ZNF469: variants seen among roughly 807,000 people sequenced by gnomAD.
ZNF469 encodes zinc finger protein 469.
In ZNF469, 1 loss-of-function variant was observed where a neutral mutation model predicts 1.0. The observed-to-expected ratio is 1.00, with a 90% CI of 0.35 to 4.73. The LOEUF is 4.73. Among genes scored for constraint, ZNF469 ranks in the 30% most tolerant of loss-of-function variants. The pLI is 0.16. For synonymous variants in ZNF469, 2,703 were observed against 2,363.4 expected (o/e 1.14, Z -4.17); for missense variants, 6,100 against 5,356.3 (o/e 1.14, Z -4.33).
the ZNF469 span, among the ~76,000 whole-genome samples, chr16:88,242,082 C>T: frequency 6.6e-6 from 1 of 152,188 alleles, no homozygotes; most frequent in Admixed American, 6.5e-5. Context: ...GGTCCCCCAA[C>T]CCTGGACGTC....
chr16:88,336,791 C>G, the ZNF469 span, among the ~76,000 whole-genome samples: 491 of 152,352 alleles, frequency 3.2e-3, 2 homozygotes, highest in African/African-American at 0.011. Flanking sequence ...AGTTATGCGA[C>G]CATCACCACT....
At chr16:88,211,101 T>G in the ZNF469 span, among the ~76,000 whole-genome samples, 1 of 152,264 alleles carries the variant, frequency 6.6e-6, no homozygotes, top group African/African-American at 2.4e-5. Flanking sequence ...AATGTTTTCC[T>G]TAAATAGTTT....
chr16:88,286,197 C>T, the ZNF469 span, among the ~76,000 whole-genome samples: 1 of 152,224 alleles, frequency 6.6e-6, no homozygotes, highest in Non-Finnish European at 1.5e-5. Context: ...GTCACAGGTC[C>T]CTCCAGTTGT....
the ZNF469 span, among the ~76,000 whole-genome samples, chr16:88,216,797 G>T: frequency 6.6e-5 from 10 of 152,062 alleles, no homozygotes; most frequent in Non-Finnish European, 1.2e-4. Context: ...TGTCCCATTT[G>T]TCTCTAACAT....
chr16:88,175,777 T>G, the ZNF469 span, among the ~76,000 whole-genome samples: 1 of 151,982 alleles, frequency 6.6e-6, no homozygotes, highest in Admixed American at 6.5e-5. Context: ...CTTGAGAAAC[T>G]AGAGAAAGAA....
At chr16:88,383,360 C>T (rs1368601408) in intron 1 of ZNF469, among the ~76,000 whole-genome samples, 106 bp downstream of exon 1, 2 of 147,674 alleles carry the variant, frequency 1.4e-5, no homozygotes, top group Non-Finnish European at 3.0e-5. Context: ...GGCCCGGCTC[C>T]CGCTCCTGCG....
chr16:88,402,477 G>T (rs1165691363), intron 1 of ZNF469, among the ~76,000 whole-genome samples: 1 of 152,108 alleles, frequency 6.6e-6, no homozygotes, highest in Non-Finnish European at 1.5e-5. Context: ...ACCAGCTTGG[G>T]GAGAGGATGC....
At chr16:88,322,516 C>T in the ZNF469 span, among the ~76,000 whole-genome samples, 2 of 152,202 alleles carry the variant, frequency 1.3e-5, no homozygotes, top group Admixed American at 6.5e-5. Context: ...CTGATCAAAC[C>T]GTATCTCATG....
Position 88,430,193 on chromosome 16 carries a change from C to A in ZNF469, c.2723C>A (p.Pro908His). The change falls in exon 3 of 3, where the codon CCC becomes CAC. Residue 908 changes from proline to histidine, a missense_variant. Coordinates refer to ENST00000565624, the MANE Select transcript of ZNF469 (RefSeq NM_001367624.2). ...CCGCTCCCAGCAGCCACGCCGGACC[C>A]CCAAACCCCCCGCCCTGGGGACAGG... is the stretch of plus-strand genomic sequence containing the variant. ...PPPLPAATPDPQTPRPGDRGC... is the reference protein window; with the variant it reads ...PPPLPAATPDHQTPRPGDRGC... 1 of 1,547,112 alleles carries A rather than the reference C, an allele frequency of 6.5e-7. No individual in the cohort carries two copies. The highest frequency in any genetic ancestry group is 1.4e-5 in the African/African-American group (1 of 73,128).
the ZNF469 span, among the ~76,000 whole-genome samples, chr16:88,365,200 G>A: frequency 7.9e-5 from 12 of 152,288 alleles, no homozygotes; most frequent in African/African-American, 2.9e-4. Context: ...CAATTTTCCT[G>A]TCTGCAGGAT....
the ZNF469 span, among the ~76,000 whole-genome samples, chr16:88,133,967 C>T: frequency 3.9e-5 from 6 of 152,124 alleles, no homozygotes; most frequent in Admixed American, 2.0e-4. Flanking sequence ...TGGTGGTGGG[C>T]GCCTGTCATC....
chr16:88,422,996 GATGGATCA>G (rs1567506700), intron 1 of ZNF469, among the ~76,000 whole-genome samples: 1 of 151,210 alleles, frequency 6.6e-6, no homozygotes, highest in African/African-American at 2.4e-5. Flanking sequence ...TGGATGGATA[GATGGATCA>G]ATGGGTGAGT....
chr16:88,334,846 T>C, the ZNF469 span, among the ~76,000 whole-genome samples: 1 of 151,274 alleles, frequency 6.6e-6, no homozygotes, highest in East Asian at 1.9e-4. Flanking sequence ...GGAGGACACA[T>C]GTGACAGAGA....
At chr16:88,195,501 T>C in the ZNF469 span, among the ~76,000 whole-genome samples, 1 of 152,066 alleles carries the variant, frequency 6.6e-6, no homozygotes, top group African/African-American at 2.4e-5. Flanking sequence ...GGAGGGGAAG[T>C]GGGTTTTAGC....
At chr16:88,266,401 G>T in the ZNF469 span, among the ~76,000 whole-genome samples, 2 of 152,248 alleles carry the variant, frequency 1.3e-5, no homozygotes, top group Admixed American at 6.5e-5. Context: ...AGACAGTACG[G>T]CCTGTCGTGC....
At chr16:88,384,456 T>C (rs2092532879) in intron 1 of ZNF469, among the ~76,000 whole-genome samples, 2 of 152,136 alleles carry the variant, frequency 1.3e-5, no homozygotes, top group African/African-American at 4.8e-5. Context: ...AGCAGGGAGC[T>C]CGGAAGCTGG....
At chr16:88,126,220 G>T in the ZNF469 span, among the ~76,000 whole-genome samples, 1 of 143,450 alleles carries the variant, frequency 7.0e-6, no homozygotes, top group South Asian at 2.2e-4. Context: ...AAATTCTTTG[G>T]GATTATCGAA....
chr16:88,187,912 C>T, the ZNF469 span, among the ~76,000 whole-genome samples: 235 of 152,168 alleles, frequency 1.5e-3, no homozygotes, highest in Middle Eastern at 0.01. Context: ...TTTTCCCCAG[C>T]AGGGTCTCAG....
the ZNF469 span, among the ~76,000 whole-genome samples, chr16:88,162,400 T>C: frequency 1.3e-5 from 2 of 151,172 alleles, no homozygotes; most frequent in Non-Finnish European, 2.9e-5. Flanking sequence ...TGACATAGTG[T>C]TAGAGCCAGA....
Sources: gnomAD v4.1 joint callset for allele counts (sites outside exome capture counted in the v4.1 genomes callset) on GRCh38, gnomAD v4.1.1 for gene constraint, MANE v1.5 for transcripts, NCBI Gene and HGNC (gene_info 2026-07-23, HGNC 2026-07-21) for gene names.